The following CCR3 variants were observed in gnomAD, a reference collection of about 807,000 sequenced individuals.
CCR3 encodes C-C chemokine receptor type 3.
For missense variants in CCR3, 419 were observed against 437.5 expected, an observed-to-expected ratio of 0.96 and a Z score of 0.38; for synonymous variants, 203 against 179.2, an observed-to-expected ratio of 1.13 and a Z score of -1.06.
intron 2 of CCR3, among the ~76,000 whole-genome samples, chr3:46,216,513 A>G (rs1699776581): frequency 6.6e-6 from 1 of 152,248 alleles, no homozygotes; most frequent in African/African-American, 2.4e-5. Context: ...AATTCATCAC[A>G]AAAAGATCAT....
chr3:46,258,322 CATT>C (rs1420141316), intron 1 of CCR3, among the ~76,000 whole-genome samples: 1 of 152,214 alleles, frequency 6.6e-6, no homozygotes, highest in African/African-American at 2.4e-5. Flanking sequence ...ATGCAACTAA[CATT>C]ATGCAACTAC....
intron 1 of CCR3, among the ~76,000 whole-genome samples, chr3:46,246,290 T>G (rs1408149547): frequency 6.6e-6 from 1 of 152,200 alleles, no homozygotes; most frequent in African/African-American, 2.4e-5. Context: ...CGTGTCCGTG[T>G]GAAGAGACCA....
chr3:46,227,032 T>C (rs1415958796), intron 2 of CCR3, among the ~76,000 whole-genome samples: 1 of 150,418 alleles, frequency 6.6e-6, no homozygotes. Flanking sequence ...CCACCATGCC[T>C]GGCTATTTTT....
intron 1 of CCR3, among the ~76,000 whole-genome samples, chr3:46,256,030 G>A (rs1038484658): frequency 6.6e-6 from 1 of 152,072 alleles, no homozygotes; most frequent in African/African-American, 2.4e-5. Flanking sequence ...CCATCCATGA[G>A]CATGGGATGT....
chr3:46,259,736 G>A (rs1000314360), intron 1 of CCR3, among the ~76,000 whole-genome samples: 4 of 152,176 alleles, frequency 2.6e-5, no homozygotes, highest in Admixed American at 6.5e-5. Context: ...AAGACTGTAT[G>A]TAGAATTGAT....
At chr3:46,213,474 C>G (rs1210137366) in intron 2 of CCR3, among the ~76,000 whole-genome samples, 1 of 152,138 alleles carries the variant, frequency 6.6e-6, no homozygotes, top group African/African-American at 2.4e-5. Context: ...TAGAAACTAC[C>G]TTTTTTGGAA....
At chr3:46,264,505 A>G in intron 1 of CCR3, 1 of 1,153,452 alleles carries the variant, frequency 8.7e-7, no homozygotes, top group Non-Finnish European at 1.2e-6. Context: ...CTACATTTGA[A>G]TCTAGTGACA....
At chr3:46,214,557 G>A (rs561796123) in intron 2 of CCR3, among the ~76,000 whole-genome samples, 15 of 152,114 alleles carry the variant, frequency 9.9e-5, no homozygotes, top group South Asian at 2.1e-4. Context: ...CTCTGCTCAG[G>A]GATGTGGCTG....
upstream of CCR3, among the ~76,000 whole-genome samples, chr3:46,239,590 C>T (rs147490425): frequency 1.4e-3 from 214 of 152,292 alleles, 1 homozygote; most frequent in African/African-American, 4.8e-3. Flanking sequence ...GGTGAGAACA[C>T]AGAGTGCTAA....
chr3:46,242,982 CATATATATATATATATATAT>C (rs10662192), intron 1 of CCR3, among the ~76,000 whole-genome samples: 1 of 99,326 alleles, frequency 1.0e-5, no homozygotes, highest in African/African-American at 4.6e-5. Flanking sequence ...TATATATACA[CATATATATATATATATATAT>C]ACGCACACAC....
At chr3:46,214,236 A>G (rs1699748188) in intron 2 of CCR3, among the ~76,000 whole-genome samples, 1 of 152,182 alleles carries the variant, frequency 6.6e-6, no homozygotes, top group African/African-American at 2.4e-5. Flanking sequence ...AATGAAAGCC[A>G]TCAGAAGAAA....
chr3:46,224,830 T>A (rs1437852080), intron 2 of CCR3, among the ~76,000 whole-genome samples: 1 of 150,320 alleles, frequency 6.7e-6, no homozygotes, highest in Non-Finnish European at 1.5e-5. Context: ...CAATGAGAAC[T>A]CTCACACCAT....
chr3:46,242,963 G>GTATATATATATATACACACATA (rs1553644057), intron 1 of CCR3, among the ~76,000 whole-genome samples: 1 of 86,298 alleles, frequency 1.2e-5, no homozygotes, highest in African/African-American at 4.7e-5. Context: ...ATATATATGT[G>GTATATATATATATACACACATA]TATATATATA....
intron 2 of CCR3, among the ~76,000 whole-genome samples, chr3:46,235,192 C>G (rs1038947251): frequency 2.0e-5 from 3 of 152,142 alleles, no homozygotes; most frequent in South Asian, 4.2e-4. Context: ...CCCTCACTCC[C>G]CCACCTACCC....
chr3:46,259,984 G>A (rs1388110573), intron 1 of CCR3, among the ~76,000 whole-genome samples: 1 of 152,186 alleles, frequency 6.6e-6, no homozygotes, highest in Non-Finnish European at 1.5e-5. Flanking sequence ...AGTTTCATAT[G>A]GCTGGGGAGG....
At chr3:46,257,681 G>T (rs1700454562) in intron 1 of CCR3, among the ~76,000 whole-genome samples, 1 of 152,008 alleles carries the variant, frequency 6.6e-6, no homozygotes, top group African/African-American at 2.4e-5. Flanking sequence ...ATTAGTCTGG[G>T]TTCTCCAGAG....
intron 2 of CCR3, among the ~76,000 whole-genome samples, chr3:46,212,765 G>A (rs1160203846): frequency 2.0e-5 from 3 of 152,112 alleles, no homozygotes; most frequent in Non-Finnish European, 1.5e-5. Flanking sequence ...GTGTCCCAAA[G>A]TGAAAGAGGG....
intron 2 of CCR3, among the ~76,000 whole-genome samples, chr3:46,233,066 C>T (rs1699984392): frequency 2.6e-5 from 4 of 152,238 alleles, no homozygotes; most frequent in South Asian, 4.1e-4. Context: ...CTCCTGACCT[C>T]GTGATCCACG....
At position 46,255,060 on chromosome 3, in the gene CCR3, TA is replaced by T. The variant is rs574048285; in HGVS notation, c.-11-10087del. Among the ~76,000 whole-genome samples the T allele has an allele frequency of 7.5e-3, 494 of 66,302 alleles. 3 individuals carry two copies. The highest frequency in any genetic ancestry group is 0.034 in the African/African-American group (476 of 14,052). 43.5% of individuals were successfully genotyped at this position (66,302 alleles called of 152,430 possible). On this transcript the variant is annotated intron_variant, in intron 1 of 1. Transcript: ENST00000395940. ...TCTTCACCACATCCACGCCAACATC[TA>T]TTTTTTTTTTTATTATTATAGCCAT...
Sources: gnomAD v4.1 joint callset for allele counts (sites outside exome capture counted in the v4.1 genomes callset) on GRCh38, gnomAD v4.1.1 for gene constraint, MANE v1.5 for transcripts, NCBI Gene and HGNC (gene_info 2026-07-23, HGNC 2026-07-21) for gene names.